VTI1A: variants seen among roughly 807,000 people sequenced by gnomAD.
VTI1A encodes vesicle transport through interaction with t-SNAREs homolog 1A.
A neutral mutation model predicts 34.9 loss-of-function variants in VTI1A; 22 were observed. The observed-to-expected ratio is 0.63, with a 90% CI of 0.45 to 0.90. The LOEUF (loss-of-function observed/expected upper bound fraction) is 0.90. Among genes scored for constraint, VTI1A ranks in the 40% least tolerant of loss-of-function variants. The probability of loss-of-function intolerance (pLI) is 0.00; values close to 1 mark genes in which losing one functional copy is unlikely to be tolerated. For missense variants in VTI1A, 268 were observed against 275.6 expected (o/e 0.97, Z 0.20); for synonymous variants, 87 against 97.3 (o/e 0.89, Z 0.62).
intron 5 of VTI1A, among the ~76,000 whole-genome samples, chr10:112,653,810 C>A (rs1005253273): frequency 6.6e-6 from 1 of 151,928 alleles, no homozygotes; most frequent in African/African-American, 2.4e-5. Context: ...TTTTTGTCCC[C>A]CAGGGTTTCA....
At chr10:112,783,401 G>GCACACA (rs58560251) in intron 7 of VTI1A, among the ~76,000 whole-genome samples, 41,336 of 150,298 alleles carry the variant, frequency 0.28, 6,004 homozygotes, top group Non-Finnish European at 0.34. Context: ...GCGTGCACGT[G>GCACACA]CACACACACA....
intron 5 of VTI1A, among the ~76,000 whole-genome samples, chr10:112,569,487 C>A (rs118149066): frequency 6.6e-6 from 1 of 152,236 alleles, no homozygotes; most frequent in Non-Finnish European, 1.5e-5. Flanking sequence ...GAAAACAGAA[C>A]TGAAAGTTGA....
At chr10:112,621,385 A>G (rs1845728259) in intron 5 of VTI1A, among the ~76,000 whole-genome samples, 1 of 152,198 alleles carries the variant, frequency 6.6e-6, no homozygotes, top group Admixed American at 6.5e-5. Context: ...TTATCATCCC[A>G]CGAAACAAGA....
intron 7 of VTI1A, among the ~76,000 whole-genome samples, chr10:112,795,087 G>A (rs1217381738): frequency 6.6e-6 from 1 of 152,192 alleles, no homozygotes; most frequent in Non-Finnish European, 1.5e-5. Flanking sequence ...AATGCAAAGT[G>A]ACTCACCTGG....
intron 5 of VTI1A, among the ~76,000 whole-genome samples, chr10:112,576,212 G>T (rs1843706623): frequency 6.7e-6 from 1 of 149,738 alleles, no homozygotes; most frequent in Non-Finnish European, 1.5e-5. Flanking sequence ...AGTAGAGACG[G>T]GGTTTCACCG....
Position 112,450,882 on chromosome 10 carries a change from T to A in VTI1A, c.94+3415T>A, listed in dbSNP as rs139675301. Among the ~76,000 whole-genome samples the A allele has an allele frequency of 5.9e-3, 899 of 152,310 alleles. 7 individuals carry two copies. Among genetic ancestry groups the A allele is most frequent in the African/African-American group, 0.02 (845 of 41,554 alleles). On this transcript the variant is annotated intron_variant, in intron 1 of 7. Transcript: ENST00000393077. ...TGAGCAGAAACTATACAGTTAGTAC[T>A]TTATTGTGAAGTTCCTTTTCCTCTA...
chr10:112,708,310 C>T (rs879897437), intron 7 of VTI1A, among the ~76,000 whole-genome samples: 5 of 152,208 alleles, frequency 3.3e-5, no homozygotes, highest in Non-Finnish European at 7.3e-5. Flanking sequence ...CCACCAGGCA[C>T]TAATGTGCAG....
chr10:112,579,121 C>A (rs1417881968), intron 5 of VTI1A, among the ~76,000 whole-genome samples: 2 of 152,304 alleles, frequency 1.3e-5, no homozygotes, highest in Non-Finnish European at 2.9e-5. Context: ...TTAAGAGATG[C>A]CGTATCCCAG....
At chr10:112,683,899 C>G (rs933178976) in intron 7 of VTI1A, among the ~76,000 whole-genome samples, 1 of 152,016 alleles carries the variant, frequency 6.6e-6, no homozygotes, top group Non-Finnish European at 1.5e-5. Flanking sequence ...AAAAATTGGC[C>G]GGGCATATTG....
intron 7 of VTI1A, among the ~76,000 whole-genome samples, chr10:112,742,605 A>C (rs370452491): frequency 6.6e-6 from 1 of 152,228 alleles, no homozygotes; most frequent in East Asian, 1.9e-4. Flanking sequence ...GCTTAATTCT[A>C]ATGCTTTATA....
At chr10:112,780,308 A>ATAAG (rs1852086080) in intron 7 of VTI1A, among the ~76,000 whole-genome samples, 2 of 148,468 alleles carry the variant, frequency 1.3e-5, no homozygotes, top group African/African-American at 2.5e-5. Context: ...AAATAAATAA[A>ATAAG]TAAATAAATA....
chr10:112,726,770 TC>T (rs1850044395), intron 7 of VTI1A, among the ~76,000 whole-genome samples: 1 of 152,190 alleles, frequency 6.6e-6, no homozygotes, highest in Non-Finnish European at 1.5e-5. Flanking sequence ...TCATTTGTTT[TC>T]ATAGACTAGA....
intron 4 of VTI1A, 56 bp from the exon 5 acceptor site, chr10:112,538,190 A>G: frequency 6.5e-7 from 1 of 1,542,212 alleles, no homozygotes; most frequent in Non-Finnish European, 8.9e-7. Context: ...TTAAGGCAAA[A>G]AAAAGAACAT....
At chr10:112,498,058 A>G (rs1849090628) in intron 3 of VTI1A, among the ~76,000 whole-genome samples, 1 of 152,196 alleles carries the variant, frequency 6.6e-6, no homozygotes, top group African/African-American at 2.4e-5. Context: ...ATGATTCAGA[A>G]TATTTGATGT....
At chr10:112,849,706 T>C in the VTI1A span, among the ~76,000 whole-genome samples, 1 of 152,346 alleles carries the variant, frequency 6.6e-6, no homozygotes, top group East Asian at 1.9e-4. Flanking sequence ...ATTTGACTGA[T>C]ATTCTGTCAA....
rs576348973 is a variant in VTI1A at position 112,644,469 on chromosome 10, CCTGA to C, written c.428-23746_428-23743del. ...AGACTACCGGTGGACTCCCTGAGGT[CCTGA>C]CTAATTGTGTAGATTGCTTTTAAGC... is the stretch of plus-strand genomic sequence containing the variant. On this transcript the variant is annotated intron_variant, in intron 5 of 7. Coordinates refer to ENST00000393077, the MANE Select transcript of VTI1A (RefSeq NM_145206.4). Among the ~76,000 whole-genome samples, 362 of 152,244 alleles carry C rather than the reference CCTGA, an allele frequency of 2.4e-3. 3 individuals carry two copies. The highest frequency in any genetic ancestry group is 7.7e-3 in the African/African-American group (319 of 41,540).
At chr10:112,730,066 A>T (rs1413596053) in intron 7 of VTI1A, among the ~76,000 whole-genome samples, 2 of 152,212 alleles carry the variant, frequency 1.3e-5, no homozygotes, top group African/African-American at 2.4e-5. Context: ...CACTGACCAT[A>T]GAAGAGGGCA....
At chr10:112,788,003 C>T (rs1049736560) in intron 7 of VTI1A, among the ~76,000 whole-genome samples, 3 of 151,564 alleles carry the variant, frequency 2.0e-5, no homozygotes, top group Admixed American at 6.6e-5. Flanking sequence ...GCCTGGCCAC[C>T]AAATTACTTT....
Position 112,538,190 on chromosome 10 carries a change from AAAAAGAACATTG to A in VTI1A, c.343-55_343-44del, listed in dbSNP as rs1850720780. 9 of 1,542,094 alleles carry A rather than the reference AAAAAGAACATTG, an allele frequency of 5.8e-6. No homozygotes were observed. The South Asian group carries it at 1.0e-4, about 18-fold the overall frequency. On this transcript the variant is annotated intron_variant, in intron 4 of 7. Transcript: ENST00000393077. ...GAAGGCATTTTTTTTTTAAGGCAAA[AAAAAGAACATTG>A]TAGACGGCCGTCTGATTTTTTTTTC...
Sources: gnomAD v4.1 joint callset for allele counts (sites outside exome capture counted in the v4.1 genomes callset) on GRCh38, gnomAD v4.1.1 for gene constraint, MANE v1.5 for transcripts, NCBI Gene and HGNC (gene_info 2026-07-23, HGNC 2026-07-21) for gene names.